The following EEA1 variants were observed in gnomAD, a reference collection of about 807,000 sequenced individuals.
EEA1 encodes early endosome antigen 1, 162kD.
Under a neutral mutation model 209.2 loss-of-function variants are expected in EEA1, and 111 were observed. The ratio of observed to expected loss-of-function variants is 0.53; its 90% CI spans 0.45 to 0.62. EEA1 has a LOEUF of 0.62. EEA1 is among the 20% of genes least tolerant of loss of function. EEA1 has a pLI of 0.00. For synonymous variants in EEA1, 536 were observed against 540.6 expected, an observed-to-expected ratio of 0.99 and a Z score of 0.12; for missense variants, 1,343 against 1,530.8, an observed-to-expected ratio of 0.88 and a Z score of 2.05.
At chr12:92,854,688 G>A (rs1877790996) in intron 5 of EEA1, among the ~76,000 whole-genome samples, 1 of 152,152 alleles carries the variant, frequency 6.6e-6, no homozygotes. Flanking sequence ...TTAGATCTTT[G>A]AGTCTCGGCA....
chr12:92,789,296 A>AAAG (rs1555198870), intron 21 of EEA1, among the ~76,000 whole-genome samples: 2 of 151,440 alleles, frequency 1.3e-5, no homozygotes, highest in Non-Finnish European at 2.9e-5. Flanking sequence ...TCAAAAAAAA[A>AAAG]AAAGAAAGAA....
Position 92,775,069 on chromosome 12 carries a change from C to T in EEA1, c.*942G>A, listed in dbSNP as rs1423989637. On this transcript the variant is annotated 3_prime_UTR_variant, in exon 29 of 29. Coordinates refer to ENST00000322349, the MANE Select transcript of EEA1 (RefSeq NM_003566.4). The stretch of plus-strand genomic sequence containing the variant: ...AAATCAGATCTATGTAAAAAGCAAA[C>T]TCAGGTTCCTGAAGATGCTAGAGAG... 1.3e-5 allele frequency: 2 copies of T among 151,520 alleles called. No individual in the cohort carries two copies. Among genetic ancestry groups the T allele is most frequent in the Non-Finnish European group, 3.0e-5 (2 of 67,616 alleles). The allele number at this position is 151,520 out of a possible 1,614,324, so 9.4% of individuals were successfully genotyped here.
At chr12:92,928,909 A>T in intron 1 of EEA1, 134 bp downstream of exon 1, 1 of 706,370 alleles carries the variant, frequency 1.4e-6, no homozygotes, top group Non-Finnish European at 2.1e-6. Context: ...CGGGCGACCG[A>T]GGCCTAAGCG....
Position 92,802,485 on chromosome 12 carries a change from T to C in EEA1, c.2589A>G (p.Ser863=), listed in dbSNP as rs772847483. ...TELSTVKDKL[S]KVSDSLKNSK... ...AGTTTTTCAAAGAATCAGAAACTTT[T>C]GATAGTTTGTCCTTTACTGTAGAAA... Residue 863 remains serine (S), a synonymous_variant, in exon 19 of 29, where the codon TCA becomes TCG. Coordinates refer to ENST00000322349, the MANE Select transcript of EEA1 (RefSeq NM_003566.4). 1 of 1,579,536 alleles carries C rather than the reference T, an allele frequency of 6.3e-7. No individual in the cohort carries two copies. The highest frequency in any genetic ancestry group is 1.2e-5 in the South Asian group (1 of 83,732).
At chr12:92,892,345 G>A (rs1415206609) in intron 1 of EEA1, among the ~76,000 whole-genome samples, 3 of 151,966 alleles carry the variant, frequency 2.0e-5, no homozygotes, top group African/African-American at 7.2e-5. Context: ...GCCCACCTCC[G>A]CCTCCCAAAG....
At chr12:92,893,968 T>C (rs1242504872) in intron 1 of EEA1, among the ~76,000 whole-genome samples, 1 of 152,240 alleles carries the variant, frequency 6.6e-6, no homozygotes, top group Non-Finnish European at 1.5e-5. Flanking sequence ...ATTGAAAGTT[T>C]GTGTCAACTC....
intron 1 of EEA1, among the ~76,000 whole-genome samples, chr12:92,892,339 A>G (rs1592761842): frequency 6.6e-6 from 1 of 151,958 alleles, no homozygotes; most frequent in African/African-American, 2.4e-5. Context: ...CGATCTGCCC[A>G]CCTCCGCCTC....
At position 92,776,134 on chromosome 12, in the gene EEA1, C is replaced by A; in HGVS notation, c.4114-1G>T. The A allele has an allele frequency of 6.3e-7, 1 of 1,598,964 alleles. No homozygotes were observed. Among genetic ancestry groups the A allele is most frequent in the South Asian group, 1.1e-5 (1 of 88,124 alleles). On this transcript the variant is annotated splice_acceptor_variant, in intron 28 of 28. Coordinates refer to ENST00000322349, the MANE Select transcript of EEA1 (RefSeq NM_003566.4). LOFTEE classifies it high-confidence loss of function. ...TATTTCCACACTGTCGGCAGTGATG[C>A]TGTAAATGACAAAAATTAAACAATT...
intron 3 of EEA1, chr12:92,858,845 T>C: frequency 1.3e-6 from 1 of 744,446 alleles, no homozygotes; most frequent in Non-Finnish European, 2.5e-6. Context: ...GTTATTGGTG[T>C]GCCTCGGGGT....
intron 3 of EEA1, 21 bp from the exon 4 acceptor site, chr12:92,857,506 G>T (rs774753156): frequency 9.2e-6 from 14 of 1,520,640 alleles, no homozygotes; most frequent in African/African-American, 1.4e-5. Context: ...ATGGGAGGAA[G>T]GAATTAATAG....
intron 13 of EEA1, among the ~76,000 whole-genome samples, chr12:92,821,552 C>T (rs1386142230): frequency 3.3e-5 from 5 of 152,104 alleles, no homozygotes; most frequent in African/African-American, 9.7e-5. Context: ...CTCCATAGAT[C>T]GACGCTACTA....
At chr12:92,841,212 G>A (rs1043269057) in intron 10 of EEA1, among the ~76,000 whole-genome samples, 36 of 152,136 alleles carry the variant, frequency 2.4e-4, no homozygotes, top group African/African-American at 8.2e-4. Context: ...TATTCAACGG[G>A]GAAAGGACAG....
At position 92,914,913 on chromosome 12, in the gene EEA1, C is replaced by T. The variant is rs528232726; in HGVS notation, c.24+14130G>A. Reference sequence around the variant, plus strand: ...TCTTGACCTCAGGTGATCCACCTGCCTCGGCTTCCCAAAGTGCTGGGATTA... The same window carrying T: ...TCTTGACCTCAGGTGATCCACCTGCTTCGGCTTCCCAAAGTGCTGGGATTA... On this transcript the variant is annotated intron_variant, in intron 1 of 28. Coordinates refer to ENST00000322349, the MANE Select transcript of EEA1 (RefSeq NM_003566.4). Among the ~76,000 whole-genome samples, 348 of 152,192 alleles carry T rather than the reference C, an allele frequency of 2.3e-3. 3 individuals are homozygous for T. Among genetic ancestry groups the T allele is most frequent in the African/African-American group, 7.7e-3 (321 of 41,532 alleles).
intron 3 of EEA1, among the ~76,000 whole-genome samples, chr12:92,862,304 A>G (rs745923248): frequency 1.3e-5 from 2 of 152,246 alleles, no homozygotes; most frequent in African/African-American, 2.4e-5. Context: ...CATTTTAAGA[A>G]TATTATTCTG....
chr12:92,928,976 G>A (rs1206382131), intron 1 of EEA1, 67 bp downstream of exon 1: 51 of 1,517,048 alleles, frequency 3.4e-5, no homozygotes, highest in Non-Finnish European at 6.2e-6. Flanking sequence ...AGGGGCGCCC[G>A]CGCCGCGGCC....
chr12:92,889,715 A>G (rs888726106), intron 2 of EEA1, among the ~76,000 whole-genome samples: 3 of 152,192 alleles, frequency 2.0e-5, no homozygotes, highest in African/African-American at 4.8e-5. Flanking sequence ...GCTGGCCAAC[A>G]TGGCAAAACC....
intron 1 of EEA1, among the ~76,000 whole-genome samples, chr12:92,901,177 C>G (rs1203391715): frequency 6.6e-6 from 1 of 152,150 alleles, no homozygotes; most frequent in Non-Finnish European, 1.5e-5. Flanking sequence ...CCAAGGTTTT[C>G]CTTGACTGAG....
chr12:92,776,264 A>T, intron 28 of EEA1, 131 bp from the exon 29 acceptor site: 1 of 745,700 alleles, frequency 1.3e-6, no homozygotes, highest in South Asian at 3.1e-5. Context: ...TTATTTAATG[A>T]TATGTTTCAA....
intron 1 of EEA1, among the ~76,000 whole-genome samples, chr12:92,923,396 G>C (rs1228249994): frequency 6.6e-6 from 1 of 152,124 alleles, no homozygotes; most frequent in Non-Finnish European, 1.5e-5. Context: ...TACAGTATAA[G>C]GTCCAAAACC....
Sources: allele counts gnomAD v4.1 joint callset (sites outside exome capture counted in the v4.1 genomes callset), GRCh38; gene constraint gnomAD v4.1.1; transcripts MANE v1.5; gene names NCBI Gene and HGNC (gene_info 2026-07-23, HGNC 2026-07-21).